Variants in EPB41L4A observed in about 807,000 individuals in gnomAD.
EPB41L4A encodes erythrocyte membrane protein band 4.1 like 4A.
A neutral mutation model predicts 108.6 loss-of-function variants in EPB41L4A; 100 were observed. The observed-to-expected ratio is 0.92, with a 90% CI of 0.78 to 1.09. EPB41L4A has a LOEUF of 1.09. EPB41L4A is among the 50% of genes least tolerant of loss of function. The pLI, the probability that EPB41L4A is intolerant of heterozygous loss-of-function variation, is 0.00. For missense variants in EPB41L4A, 1,030 were observed against 842.7 expected (o/e 1.22, Z -2.75); for synonymous variants, 319 against 289.0 (o/e 1.10, Z -1.05).
chr5:112,231,400 T>A (rs1315967661), intron 12 of EPB41L4A, among the ~76,000 whole-genome samples: 1 of 152,224 alleles, frequency 6.6e-6, no homozygotes, highest in Non-Finnish European at 1.5e-5. Context: ...TTTTTCTTTC[T>A]TTTTGGGAGA....
At chr5:112,169,126 C>T in intron 20 of EPB41L4A, 21 bp from the exon 21 acceptor site, 1 of 1,558,424 alleles carries the variant, frequency 6.4e-7, no homozygotes, top group Non-Finnish European at 8.9e-7. Context: ...AACCAAGAAA[C>T]ATGAAAACAA....
intron 15 of EPB41L4A, chr5:112,196,599 A>G (rs1761977239): frequency 1.3e-5 from 2 of 152,170 alleles, no homozygotes; most frequent in Non-Finnish European, 2.9e-5. Context: ...CATCATTTCA[A>G]TAACATGCAT....
At chr5:112,225,518 A>G (rs937109609) in intron 12 of EPB41L4A, among the ~76,000 whole-genome samples, 3 of 152,236 alleles carry the variant, frequency 2.0e-5, no homozygotes, top group Admixed American at 2.0e-4. Context: ...TCATGACAGT[A>G]ATCTGTAGGG....
intron 1 of EPB41L4A, among the ~76,000 whole-genome samples, chr5:112,319,764 A>G (rs1238120751): frequency 6.6e-6 from 1 of 152,146 alleles, no homozygotes; most frequent in African/African-American, 2.4e-5. Context: ...AGATTGGATT[A>G]TTTTGCTCAA....
chr5:112,195,707 T>A lies in EPB41L4A; in HGVS notation c.1378A>T (p.Lys460Ter). Reference sequence around the variant, plus strand: ...GAATCTTCACCACTGTTATGGGCTTTCCTGTGAAAACAAATGAAGACATTT... The same window carrying A: ...GAATCTTCACCACTGTTATGGGCTTACCTGTGAAAACAAATGAAGACATTT... ...NDSVQPVRRR[K>*]AHNSGEDSDL... The change falls in exon 16 of 23, where the codon AAA becomes TAA. Residue 460 changes from lysine to a stop codon, truncating the protein, a stop_gained and splice_region_variant. Transcript: ENST00000261486. LOFTEE classifies it high-confidence loss of function. 6.2e-7 allele frequency: 1 copy of A among 1,612,596 alleles called. No homozygotes were observed. The highest frequency in any genetic ancestry group is 8.5e-7 in the Non-Finnish European group (1 of 1,179,600).
chr5:112,328,264 G>T (rs1292619392), intron 1 of EPB41L4A, among the ~76,000 whole-genome samples: 1 of 151,992 alleles, frequency 6.6e-6, no homozygotes, highest in Non-Finnish European at 1.5e-5. Flanking sequence ...GGCCAAGATT[G>T]TGCCACTGTA....
intron 14 of EPB41L4A, among the ~76,000 whole-genome samples, chr5:112,205,160 C>T (rs1762412125): frequency 6.6e-6 from 1 of 152,084 alleles, no homozygotes; most frequent in Non-Finnish European, 1.5e-5. Context: ...AAATATATTA[C>T]CTTACAGGCA....
intron 9 of EPB41L4A, among the ~76,000 whole-genome samples, chr5:112,254,214 A>G (rs1270749042): frequency 1.3e-5 from 2 of 152,334 alleles, no homozygotes; most frequent in East Asian, 3.9e-4. Context: ...TAGGAATTAC[A>G]TCCTCCTCTT....
intron 12 of EPB41L4A, among the ~76,000 whole-genome samples, chr5:112,219,127 T>C (rs886383969): frequency 2.0e-5 from 3 of 152,240 alleles, no homozygotes; most frequent in Non-Finnish European, 4.4e-5. Flanking sequence ...CTAATATGTT[T>C]TGAATTTGAA....
intron 1 of EPB41L4A, among the ~76,000 whole-genome samples, chr5:112,384,737 A>G (rs147492920): frequency 1.2e-3 from 184 of 151,970 alleles, no homozygotes; most frequent in African/African-American, 4.3e-3. Context: ...GAGAAACAAA[A>G]AGAGAAAGAG....
chr5:112,243,586 C>T (rs915555130), intron 9 of EPB41L4A, among the ~76,000 whole-genome samples: 3 of 152,180 alleles, frequency 2.0e-5, no homozygotes, highest in Non-Finnish European at 4.4e-5. Flanking sequence ...TTTGTCTCCA[C>T]TGAAAATCTG....
chr5:112,173,529 A>T (rs1257464491), intron 18 of EPB41L4A: 3 of 144,440 alleles, frequency 2.1e-5, no homozygotes, highest in Non-Finnish European at 3.0e-5. Context: ...TACCTTAGTT[A>T]TCAGGAAAAA....
chr5:112,181,564 T>C lies in EPB41L4A; in HGVS notation c.1622+2452A>G, dbSNP rs534192746. 3.9e-5 allele frequency among the ~76,000 whole-genome samples: 6 copies of C among 152,296 alleles called. No homozygotes were observed. The South Asian group carries it at 1.2e-3, about 32-fold the overall frequency. ...CACACACATACTTGTAGAGAATGTC[T>C]ATAACGCAATGGCAAAAACTGGAAA... On this transcript the variant is annotated intron_variant, in intron 18 of 22. Transcript: ENST00000261486.
At chr5:112,312,344 G>A (rs1254795680) in intron 1 of EPB41L4A, among the ~76,000 whole-genome samples, 1 of 152,162 alleles carries the variant, frequency 6.6e-6, no homozygotes, top group Admixed American at 6.5e-5. Context: ...AGAATCTGGT[G>A]CTGCAAATGC....
At chr5:112,298,560 T>G (rs1373389355) in intron 2 of EPB41L4A, among the ~76,000 whole-genome samples, 4 of 152,220 alleles carry the variant, frequency 2.6e-5, no homozygotes, top group Admixed American at 6.5e-5. Flanking sequence ...GGATTATCTT[T>G]TGTATATGCT....
chr5:112,216,182 T>C (rs1326929954), intron 12 of EPB41L4A, among the ~76,000 whole-genome samples: 1 of 152,242 alleles, frequency 6.6e-6, no homozygotes, highest in Non-Finnish European at 1.5e-5. Flanking sequence ...CCAGGATCTA[T>C]TTAGCTACTT....
Position 112,314,538 on chromosome 5 carries a change from A to AAAAAAAG in EPB41L4A, c.100-7049_100-7048insCTTTTTT, listed in dbSNP as rs1561563700. On this transcript the variant is annotated intron_variant, in intron 1 of 22. Coordinates refer to ENST00000261486, the MANE Select transcript of EPB41L4A (RefSeq NM_022140.5). ...AAAAAAAAAAAAAAAAAAAAAAAAA[A>AAAAAAAG]GAAAAGAAATTAGCCAAGCATGATG... Among the ~76,000 whole-genome samples, 158 of 111,316 alleles carry AAAAAAAG rather than the reference A, an allele frequency of 1.4e-3. 7 individuals are homozygous for AAAAAAAG. Among genetic ancestry groups the AAAAAAAG allele is most frequent in the African/African-American group, 5.6e-3 (157 of 27,836 alleles). 73.0% of individuals were successfully genotyped at this position (111,316 alleles called of 152,430 possible).
intron 12 of EPB41L4A, among the ~76,000 whole-genome samples, chr5:112,210,368 TATC>T (rs1211789409): frequency 6.6e-6 from 1 of 152,192 alleles, no homozygotes; most frequent in Non-Finnish European, 1.5e-5. Context: ...TTTCTCAGCA[TATC>T]ATGACAGTCC....
At chr5:112,390,720 T>C (rs1394281104) in intron 1 of EPB41L4A, among the ~76,000 whole-genome samples, 1 of 152,162 alleles carries the variant, frequency 6.6e-6, no homozygotes, top group African/African-American at 2.4e-5. Context: ...GTGTTTGAGC[T>C]CTGAGAACGG....
Sources: allele counts gnomAD v4.1 joint callset (sites outside exome capture counted in the v4.1 genomes callset), GRCh38; gene constraint gnomAD v4.1.1; transcripts MANE v1.5; gene names NCBI Gene and HGNC (gene_info 2026-07-23, HGNC 2026-07-21).